ARHGEF7: variants seen among roughly 807,000 people sequenced by gnomAD.
ARHGEF7 encodes Rho guanine nucleotide exchange factor 7.
In ARHGEF7, 33 loss-of-function variants were observed where a neutral mutation model predicts 109.8. The ratio of observed to expected loss-of-function variants is 0.30; its 90% confidence interval spans 0.23 to 0.40. ARHGEF7 has a LOEUF of 0.40. ARHGEF7 is among the 10% of genes least tolerant of loss of function. The pLI, the probability that ARHGEF7 is intolerant of heterozygous loss-of-function variation, is 1.00. For synonymous variants in ARHGEF7, 458 were observed against 424.6 expected (o/e 1.08, Z -0.97); for missense variants, 938 against 1,098.5 (o/e 0.85, Z 2.07).
In ARHGEF7 at chr13:111,258,183, G is replaced by A. The variant is rs1295235249; in HGVS notation, c.951-9365G>A. Among the ~76,000 whole-genome samples, 1 of 151,588 alleles carries A rather than the reference G, an allele frequency of 6.6e-6. No individual in the cohort carries two copies. Among genetic ancestry groups the A allele is most frequent in the Non-Finnish European group, 1.5e-5 (1 of 67,888 alleles). Reference sequence around the variant, plus strand: ...GACTCCTCCCACAACCACAGGCAGTGCAGCCTGCAGCTCCAGGAGAGACTC... The same window carrying A: ...GACTCCTCCCACAACCACAGGCAGTACAGCCTGCAGCTCCAGGAGAGACTC... On this transcript the variant is annotated intron_variant, in intron 8 of 21. Transcript: ENST00000646102. The surrounding 1 kb of genome is among the most constrained non-coding windows in gnomAD (Gnocchi z 4.4).
chr13:111,226,808 C>T (rs1175884887), intron 5 of ARHGEF7, among the ~76,000 whole-genome samples: 1 of 152,184 alleles, frequency 6.6e-6, no homozygotes, highest in East Asian at 1.9e-4. Flanking sequence ...AGTGGTTCCT[C>T]TAATGGATCT....
intron 1 of ARHGEF7, among the ~76,000 whole-genome samples, chr13:111,142,274 T>C (rs1021321380): frequency 2.0e-5 from 3 of 152,240 alleles, no homozygotes; most frequent in Admixed American, 6.5e-5. Flanking sequence ...GTCTTCTTGT[T>C]CTCTCAAGGA....
chr13:111,290,972 C>T (rs969276681), intron 18 of ARHGEF7, among the ~76,000 whole-genome samples: 2 of 152,182 alleles, frequency 1.3e-5, no homozygotes, highest in African/African-American at 4.8e-5. Flanking sequence ...TATATTTTAC[C>T]TAAAATGCAG....
At chr13:111,221,213 AT>A (rs2083863846) in intron 5 of ARHGEF7, among the ~76,000 whole-genome samples, 1 of 63,390 alleles carries the variant, frequency 1.6e-5, no homozygotes, top group East Asian at 2.7e-4. Flanking sequence ...ATAGATATAT[AT>A]GTCTATATAT....
In ARHGEF7 at chr13:111,277,253, A is replaced by G. The variant is rs567247857; in HGVS notation, c.1420-334A>G. Among the ~76,000 whole-genome samples the G allele has an allele frequency of 7.9e-5, 12 of 152,336 alleles. No homozygotes were observed. In the South Asian group the frequency reaches 1.2e-3, roughly 16 times the overall value. On this transcript the variant is annotated intron_variant, in intron 12 of 21. Coordinates refer to ENST00000646102, the MANE Select transcript of ARHGEF7 (RefSeq NM_001354046.2). ...TCACAGAGCTGAACTCTTTAACCAA[A>G]TATAGTTTCAAGATGTTACACAGGC...
chr13:111,228,440 T>G lies in ARHGEF7; in HGVS notation c.671-4765T>G. Among the ~76,000 whole-genome samples the G allele has an allele frequency of 6.6e-6, 1 of 152,198 alleles. No homozygotes were observed. The highest frequency in any genetic ancestry group is 1.9e-4 in the East Asian group (1 of 5,204). ...AGATGACCTCATCTCTGAGACTTGC[T>G]GATGGTGCTTCCAGCAGAGAACACG... is the stretch of plus-strand genomic sequence containing the variant. On this transcript the variant is annotated intron_variant, in intron 5 of 21. Coordinates refer to ENST00000646102, the MANE Select transcript of ARHGEF7 (RefSeq NM_001354046.2). This position sits in a 1 kb window ranked among gnomAD's most constrained non-coding sequence, Gnocchi z 4.6.
At chr13:111,212,795 T>C (rs2082658119) in intron 4 of ARHGEF7, among the ~76,000 whole-genome samples, 1 of 152,240 alleles carries the variant, frequency 6.6e-6, no homozygotes, top group Non-Finnish European at 1.5e-5. Flanking sequence ...AAGACTTCTC[T>C]TTTTAAGTCA....
chr13:111,245,330 TGTC>T (rs2088619801), intron 8 of ARHGEF7, among the ~76,000 whole-genome samples: 1 of 152,090 alleles, frequency 6.6e-6, no homozygotes. Context: ...CTGAGCTGGT[TGTC>T]GTATAAGAAC....
chr13:111,297,728 C>T (rs2093458506), intron 19 of ARHGEF7, among the ~76,000 whole-genome samples: 1 of 152,188 alleles, frequency 6.6e-6, no homozygotes, highest in African/African-American at 2.4e-5. Flanking sequence ...GGCTCATGGC[C>T]TCACAACTCC....
At chr13:111,221,573 A>G (rs1465019396) in intron 5 of ARHGEF7, among the ~76,000 whole-genome samples, 2 of 83,112 alleles carry the variant, frequency 2.4e-5, no homozygotes, top group Non-Finnish European at 4.9e-5. Context: ...ATATATAGAT[A>G]CATATCTATA....
At chr13:111,175,164 A>C (rs1224849425) in intron 2 of ARHGEF7, among the ~76,000 whole-genome samples, 1 of 152,236 alleles carries the variant, frequency 6.6e-6, no homozygotes, top group Non-Finnish European at 1.5e-5. Context: ...TAGTTCACTG[A>C]AATAGCCACT....
rs951710882 is a variant in ARHGEF7, at chr13:111,304,136, C to T, written c.*1023C>T. 1.3e-4 allele frequency: 20 copies of T among 152,252 alleles called. No individual in the cohort carries two copies. The highest frequency in any genetic ancestry group is 4.8e-4 in the African/African-American group (20 of 41,454). The allele number at this position is 152,252 out of a possible 1,614,324, so 9.4% of individuals were successfully genotyped here. On this transcript the variant is annotated 3_prime_UTR_variant, in exon 22 of 22. Transcript: ENST00000646102. ...CGTAGCCAGCAGGCTTCAGTGCTCA[C>T]CGAAAGTAAAATCCCCTCCTTCAGC...
intron 2 of ARHGEF7, among the ~76,000 whole-genome samples, chr13:111,173,151 G>A (rs1344641836): frequency 6.6e-6 from 1 of 152,000 alleles, no homozygotes; most frequent in East Asian, 1.9e-4. Flanking sequence ...TTTTCACAGA[G>A]TTGGTGTCAG....
intron 1 of ARHGEF7, among the ~76,000 whole-genome samples, chr13:111,143,311 A>G (rs1204140641): frequency 2.0e-5 from 3 of 152,170 alleles, no homozygotes; most frequent in Non-Finnish European, 2.9e-5. Flanking sequence ...CACCCAGACA[A>G]TGACTACACA....
At chr13:111,294,303 G>A (rs1414560820) in intron 19 of ARHGEF7, 1 of 985,482 alleles carries the variant, frequency 1.0e-6, no homozygotes, top group Non-Finnish European at 1.2e-6. Context: ...CTACTCATTA[G>A]CGCACTGGCT....
chr13:111,288,327 T>C, intron 17 of ARHGEF7, 27 bp from the exon 18 acceptor site: 1 of 1,578,366 alleles, frequency 6.3e-7, no homozygotes, highest in South Asian at 1.1e-5. Context: ...TCAGTTCGAC[T>C]GTGAACTGTT....
chr13:111,279,944 G>A (rs2092695520), intron 13 of ARHGEF7, among the ~76,000 whole-genome samples: 1 of 152,106 alleles, frequency 6.6e-6, no homozygotes, highest in Admixed American at 6.5e-5. Flanking sequence ...GTTATACACG[G>A]TAGTTTTTTA....
intron 8 of ARHGEF7, among the ~76,000 whole-genome samples, chr13:111,253,034 GC>G (rs1207091277): frequency 1.3e-5 from 2 of 152,264 alleles, no homozygotes; most frequent in African/African-American, 2.4e-5. Flanking sequence ...AGCAGCTGGA[GC>G]CCAGGCCCCC....
Position 111,259,652 on chromosome 13 carries a change from G to A in ARHGEF7, c.951-7896G>A, listed in dbSNP as rs181117219. The stretch of plus-strand genomic sequence containing the variant: ...TGGAAAGCCTTCCCAAGAAGGATGG[G>A]TACAAACAAGCCTAGGCTGTGAAGA... On this transcript the variant is annotated intron_variant, in intron 8 of 21. Coordinates refer to ENST00000646102, the MANE Select transcript of ARHGEF7 (RefSeq NM_001354046.2). Among the ~76,000 whole-genome samples the A allele has an allele frequency of 1.3e-3, 203 of 152,228 alleles. 2 individuals are homozygous for A. Among genetic ancestry groups the A allele is most frequent in the African/African-American group, 4.7e-3 (195 of 41,548 alleles).
Sources: allele counts gnomAD v4.1 joint callset (sites outside exome capture counted in the v4.1 genomes callset), GRCh38; gene constraint gnomAD v4.1.1; non-coding constraint Gnocchi (gnomAD v3.1); transcripts MANE v1.5; gene names NCBI Gene and HGNC (gene_info 2026-07-23, HGNC 2026-07-21).